TMEM114: variants seen among roughly 807,000 people sequenced by gnomAD.
The protein encoded by TMEM114 is transmembrane protein 114.
In TMEM114, 6 loss-of-function variants were observed where a neutral mutation model predicts 6.2. That is an observed-to-expected ratio of 0.97 (90% CI 0.53 to 1.91). The LOEUF (loss-of-function observed/expected upper bound fraction) is 1.91, where lower values mean the gene tolerates loss of function less well. Among genes scored for constraint, TMEM114 ranks in the 40% most tolerant of loss-of-function variants. The probability of loss-of-function intolerance (pLI) is 0.01; values close to 1 mark genes in which losing one functional copy is unlikely to be tolerated. For synonymous variants in TMEM114, 104 were observed against 73.0 expected (o/e 1.42, Z -2.16); for missense variants, 218 against 158.3 (o/e 1.38, Z -2.02).
downstream of TMEM114, among the ~76,000 whole-genome samples, chr16:8,569,303 C>A (rs144942345): frequency 6.8e-3 from 1,032 of 152,268 alleles, 6 homozygotes; most frequent in Non-Finnish European, 0.01. Flanking sequence ...AAGCCCATGT[C>A]ATGCCAGAGT....
chr16:8,561,086 A>T (rs994895179), intron 2 of TMEM114, among the ~76,000 whole-genome samples: 5 of 152,152 alleles, frequency 3.3e-5, no homozygotes, highest in Admixed American at 1.3e-4. Context: ...TGCTCCCATG[A>T]TTCGATTATC....
At chr16:8,584,438 T>C (rs1372708319) in intron 2 of TMEM114, among the ~76,000 whole-genome samples, 2 of 152,170 alleles carry the variant, frequency 1.3e-5, no homozygotes, top group Non-Finnish European at 2.9e-5. Flanking sequence ...ACCTGGAAGA[T>C]GAAACACTTC....
chr16:8,561,751 G>C (rs932033841), intron 2 of TMEM114, among the ~76,000 whole-genome samples: 1 of 152,036 alleles, frequency 6.6e-6, no homozygotes, highest in Admixed American at 6.6e-5. Flanking sequence ...GTGGGGGAAT[G>C]AATGAATGAA....
At chr16:8,531,535 A>G in the TMEM114 span, among the ~76,000 whole-genome samples, 1 of 152,330 alleles carries the variant, frequency 6.6e-6, no homozygotes, top group East Asian at 1.9e-4. Context: ...CCACAGCAAG[A>G]TAGCAGAGGT....
chr16:8,544,037 A>G (rs1596467489), intron 2 of TMEM114, among the ~76,000 whole-genome samples: 1 of 152,224 alleles, frequency 6.6e-6, no homozygotes. Context: ...AAATGCCATG[A>G]TAAATAATAA....
the TMEM114 span, among the ~76,000 whole-genome samples, chr16:8,530,017 A>G: frequency 2.0e-5 from 3 of 152,352 alleles, no homozygotes; most frequent in South Asian, 6.2e-4. Context: ...TAATTTTTTC[A>G]GCTGAACTGA....
At chr16:8,562,294 GAATGAGTGAGTA>G (rs1901265345) in intron 2 of TMEM114, among the ~76,000 whole-genome samples, 1 of 136,808 alleles carries the variant, frequency 7.3e-6, no homozygotes, top group African/African-American at 2.8e-5. Context: ...GTGAGTGAGT[GAATGAGTGAGTA>G]AATGAGTGAG....
chr16:8,561,198 T>C (rs1012146800), intron 2 of TMEM114, among the ~76,000 whole-genome samples: 1 of 152,256 alleles, frequency 6.6e-6, no homozygotes, highest in Non-Finnish European at 1.5e-5. Flanking sequence ...TCTACTCCTG[T>C]CTGTCCAGCC....
intron 2 of TMEM114, among the ~76,000 whole-genome samples, chr16:8,578,419 G>A (rs989565830): frequency 6.6e-6 from 1 of 152,062 alleles, no homozygotes; most frequent in African/African-American, 2.4e-5. Flanking sequence ...CCATCCACAC[G>A]TGGCCACCTT....
chr16:8,535,018 G>A (rs1370738643), downstream of TMEM114, among the ~76,000 whole-genome samples: 1 of 152,118 alleles, frequency 6.6e-6, no homozygotes, highest in Non-Finnish European at 1.5e-5. Flanking sequence ...GTCAAGACTC[G>A]CTTTGGAACT....
the TMEM114 span, among the ~76,000 whole-genome samples, chr16:8,529,098 G>A: frequency 2.4e-4 from 36 of 152,210 alleles, no homozygotes; most frequent in African/African-American, 7.5e-4. Flanking sequence ...AAAATCCTCA[G>A]CATCTTGGCT....
Position 8,562,596 on chromosome 16 carries a change from ATGAG to A in TMEM114, n.213-24774_213-24771del, listed in dbSNP as rs1192691060. On this transcript the variant is annotated intron_variant and non_coding_transcript_variant, in intron 2 of 2. Coordinates refer to the TMEM114 transcript ENST00000623677. ...AATGAGTGAGGAAATAAGTAAGTGA[ATGAG>A]TGAGTGAGTGAATGAGTGAGTGAGT... 2.8e-4 allele frequency among the ~76,000 whole-genome samples: 26 copies of A among 91,486 alleles called. No individual in the cohort carries two copies. The East Asian group carries it at 3.8e-3, about 13-fold the overall frequency. 60.0% of individuals were successfully genotyped at this position (91,486 alleles called of 152,430 possible). A position where few individuals can be genotyped will look rare whatever the true frequency, so the allele number is the denominator to read the frequency against.
At position 8,550,685 on chromosome 16, in the gene TMEM114, C is replaced by CA. The variant is rs1218385833; in HGVS notation, n.213-12860dup. Among the ~76,000 whole-genome samples the CA allele has an allele frequency of 0.022, 936 of 42,486 alleles. 25 individuals carry two copies. The East Asian group carries it at 0.25, about 12-fold the overall frequency. The allele number at this position is 42,486 out of a possible 152,430, so 27.9% of individuals were successfully genotyped here. A position where few individuals can be genotyped will look rare whatever the true frequency, so the allele number is the denominator to read the frequency against. On this transcript the variant is annotated intron_variant and non_coding_transcript_variant, in intron 2 of 2. Coordinates refer to the TMEM114 transcript ENST00000623677. ...AAGAGCAAAACTTCGTCAAAAAAAA[C>CA]AAAAAAAAAAAAACCAAAAAAAAAA... is the stretch of plus-strand genomic sequence containing the variant.
intron 2 of TMEM114, among the ~76,000 whole-genome samples, chr16:8,549,295 T>A (rs2141656904): frequency 6.8e-6 from 1 of 146,788 alleles, no homozygotes. Flanking sequence ...AGGTCAGGAG[T>A]TCGAGACCAG....
At chr16:8,529,136 G>T in the TMEM114 span, among the ~76,000 whole-genome samples, 1 of 152,214 alleles carries the variant, frequency 6.6e-6, no homozygotes, top group Non-Finnish European at 1.5e-5. Context: ...GCTGGCTAGG[G>T]TGAGAAGCAA....
rs1900775725 is a variant in TMEM114 at position 8,549,473 on chromosome 16, C to T, written n.213-11647G>A. On this transcript the variant is annotated intron_variant and non_coding_transcript_variant, in intron 2 of 2. Transcript: ENST00000623677. ...CACGATTGAGCCACTTCACTCAAGC[C>T]TGGGCAACAAGAGCAAAACTCCGTC... Among the ~76,000 whole-genome samples, 3 of 142,916 alleles carry T rather than the reference C, an allele frequency of 2.1e-5. No individual in the cohort carries two copies. The Admixed American group carries it at 2.2e-4, about 10-fold the overall frequency. 93.8% of individuals were successfully genotyped at this position (142,916 alleles called of 152,430 possible).
At chr16:8,526,640 G>C in the TMEM114 span, 92,390 of 152,058 alleles carry the variant, frequency 0.61, 28,155 homozygotes, top group African/African-American at 0.65. Flanking sequence ...TTTCCTGAGG[G>C]CTCCCCAGAA....
At chr16:8,555,143 C>G (rs187455764) in intron 2 of TMEM114, among the ~76,000 whole-genome samples, 2 of 152,308 alleles carry the variant, frequency 1.3e-5, no homozygotes, top group Admixed American at 6.5e-5. Flanking sequence ...TGCACATTTC[C>G]TGAGCTCTTC....
chr16:8,527,971 G>T, the TMEM114 span, among the ~76,000 whole-genome samples: 20 of 152,190 alleles, frequency 1.3e-4, no homozygotes, highest in African/African-American at 4.1e-4. Context: ...GCAGTGGTGC[G>T]ATCTCAGCTC....
Sources: gnomAD v4.1 joint callset for allele counts (sites outside exome capture counted in the v4.1 genomes callset) on GRCh38, gnomAD v4.1.1 for gene constraint, MANE v1.5 for transcripts, NCBI Gene and HGNC (gene_info 2026-07-23, HGNC 2026-07-21) for gene names.